PARD3: variants seen among roughly 807,000 people sequenced by gnomAD.
PARD3 encodes partitioning defective 3 homolog.
Under a neutral mutation model 155.4 loss-of-function variants are expected in PARD3, and 75 were observed. The observed-to-expected ratio is 0.48, with a 90% CI of 0.40 to 0.58. The LOEUF is 0.58. PARD3 is among the 20% of genes least tolerant of loss of function. The pLI is 0.00. For missense variants in PARD3, 1,642 were observed against 1,721.7 expected, an observed-to-expected ratio of 0.95 and a Z score of 0.82; for synonymous variants, 576 against 610.5, an observed-to-expected ratio of 0.94 and a Z score of 0.83.
At chr10:34,590,856 G>C (rs112688561) in intron 2 of PARD3, among the ~76,000 whole-genome samples, 1 of 152,148 alleles carries the variant, frequency 6.6e-6, no homozygotes, top group African/African-American at 2.4e-5. Flanking sequence ...ACAAGCAGCT[G>C]CATGAGACAG....
At chr10:34,264,960 A>AG (rs1955224439) in intron 22 of PARD3, among the ~76,000 whole-genome samples, 1 of 152,150 alleles carries the variant, frequency 6.6e-6, no homozygotes, top group South Asian at 2.1e-4. Context: ...TTTGTTGCCT[A>AG]GGCTGGTCTC....
chr10:34,543,444 G>A (rs906967691), intron 2 of PARD3, among the ~76,000 whole-genome samples: 1 of 152,202 alleles, frequency 6.6e-6, no homozygotes, highest in African/African-American at 2.4e-5. Context: ...TCTACTTGCT[G>A]TTCACCATGC....
At chr10:34,261,781 A>AAAAG (rs1158080569) in intron 22 of PARD3, among the ~76,000 whole-genome samples, 7,286 of 131,750 alleles carry the variant, frequency 0.055, 315 homozygotes, top group East Asian at 0.14. Flanking sequence ...AGAAAGAAAG[A>AAAAG]AAAGAAAGAA....
chr10:34,184,548 T>C (rs1016489786), intron 22 of PARD3, among the ~76,000 whole-genome samples: 1 of 152,142 alleles, frequency 6.6e-6, no homozygotes, highest in Non-Finnish European at 1.5e-5. Context: ...TATTCTGTTT[T>C]CCAATGGGGC....
intron 5 of PARD3, among the ~76,000 whole-genome samples, chr10:34,407,524 T>G (rs1342091770): frequency 6.6e-6 from 1 of 152,240 alleles, no homozygotes; most frequent in Non-Finnish European, 1.5e-5. Context: ...CGTAAGCTGC[T>G]GCTCCTCAGA....
intron 5 of PARD3, among the ~76,000 whole-genome samples, chr10:34,405,508 G>A (rs1333193191): frequency 6.6e-6 from 1 of 152,050 alleles, no homozygotes; most frequent in Non-Finnish European, 1.5e-5. Context: ...TCTTTAGGAT[G>A]AGTAAAGAAA....
At chr10:34,319,372 C>T (rs1276553608) in intron 19 of PARD3, among the ~76,000 whole-genome samples, 5 of 152,194 alleles carry the variant, frequency 3.3e-5, no homozygotes, top group African/African-American at 1.2e-4. Flanking sequence ...AGGGGTGAGT[C>T]ACACCCAGCC....
intron 22 of PARD3, among the ~76,000 whole-genome samples, chr10:34,153,306 C>T (rs1308290360): frequency 3.3e-5 from 5 of 152,150 alleles, no homozygotes; most frequent in Non-Finnish European, 7.3e-5. Context: ...GATACTGCGC[C>T]TGTCCAGGAG....
intron 22 of PARD3, among the ~76,000 whole-genome samples, chr10:34,140,763 A>ATGTTCACC (rs1265814527): frequency 7.2e-5 from 11 of 152,348 alleles, no homozygotes; most frequent in Admixed American, 3.9e-4. Flanking sequence ...AATTCACAGT[A>ATGTTCACC]AATCCCCCAT....
intron 20 of PARD3, among the ~76,000 whole-genome samples, chr10:34,308,981 G>A (rs918044767): frequency 6.6e-6 from 1 of 152,106 alleles, no homozygotes; most frequent in Middle Eastern, 3.2e-3. Flanking sequence ...GCTGGGTACT[G>A]CCAGTGGACC....
intron 2 of PARD3, among the ~76,000 whole-genome samples, chr10:34,630,608 G>A (rs2092220493): frequency 6.6e-6 from 1 of 151,590 alleles, no homozygotes; most frequent in South Asian, 2.1e-4. Flanking sequence ...AAGCCACCAT[G>A]CCTGGCTAAT....
In PARD3 at chr10:34,694,925, G is replaced by C. The variant is rs528694155; in HGVS notation, c.222+1393C>G. Among the ~76,000 whole-genome samples, 7 of 152,326 alleles carry C rather than the reference G, an allele frequency of 4.6e-5. No homozygotes were observed. The East Asian group carries it at 1.4e-3, about 29-fold the overall frequency. ...AAGACACAACAGCTGTGTGCACCCAGCTCACAGCTGAGGGAAAGAAGAGCA... is the reference window on the plus strand; with the variant it reads ...AAGACACAACAGCTGTGTGCACCCACCTCACAGCTGAGGGAAAGAAGAGCA... On this transcript the variant is annotated intron_variant, in intron 2 of 24. Coordinates refer to ENST00000374788, the MANE Select transcript of PARD3 (RefSeq NM_001184785.2).
chr10:34,716,585 CTTTTTTT>C (rs34751073), intron 1 of PARD3, among the ~76,000 whole-genome samples: 1 of 73,246 alleles, frequency 1.4e-5, no homozygotes, highest in Non-Finnish European at 2.5e-5. Context: ...GATGGCTTTT[CTTTTTTT>C]TTTTTTTTTT....
chr10:34,118,889 G>A (rs538422991), intron 24 of PARD3, among the ~76,000 whole-genome samples: 43 of 152,274 alleles, frequency 2.8e-4, no homozygotes, highest in African/African-American at 8.9e-4. Context: ...TTAAAAAGCT[G>A]AATGTTTTTC....
intron 22 of PARD3, among the ~76,000 whole-genome samples, chr10:34,131,916 C>T (rs1229990193): frequency 1.3e-5 from 2 of 151,892 alleles, no homozygotes; most frequent in African/African-American, 2.4e-5. Context: ...CATTAAAAGT[C>T]AGAAACAACA....
At chr10:34,769,000 T>C (rs2134075766) in intron 1 of PARD3, among the ~76,000 whole-genome samples, 1 of 152,330 alleles carries the variant, frequency 6.6e-6, no homozygotes, top group African/African-American at 2.4e-5. Flanking sequence ...CTCTCAAGGC[T>C]CGGATCAATA....
At chr10:34,519,271 TG>T (rs1157081993) in intron 2 of PARD3, among the ~76,000 whole-genome samples, 1 of 152,190 alleles carries the variant, frequency 6.6e-6, no homozygotes, top group Non-Finnish European at 1.5e-5. Flanking sequence ...TTGACAGTAC[TG>T]ACTCAGTGTG....
chr10:34,689,662 AATATGATAAAAG>A (rs2094014047), intron 2 of PARD3, among the ~76,000 whole-genome samples: 1 of 152,194 alleles, frequency 6.6e-6, no homozygotes, highest in Admixed American at 6.5e-5. Context: ...TTGTATAGGA[AATATGATAAAAG>A]ATTCTAGAAA....
At chr10:34,376,036 T>G (rs1841198791) in intron 10 of PARD3, among the ~76,000 whole-genome samples, 1 of 152,168 alleles carries the variant, frequency 6.6e-6, no homozygotes, top group East Asian at 1.9e-4. Context: ...TAAACATAAT[T>G]TGTACTCAAA....
Sources: allele counts gnomAD v4.1 joint callset (sites outside exome capture counted in the v4.1 genomes callset), GRCh38; gene constraint gnomAD v4.1.1; transcripts MANE v1.5; gene names NCBI Gene and HGNC (gene_info 2026-07-23, HGNC 2026-07-21).